EEFSEC: variants seen among roughly 807,000 people sequenced by gnomAD.
EEFSEC encodes the protein eukaryotic elongation factor, selenocysteine-tRNA specific.
Under a neutral mutation model 42.1 loss-of-function variants are expected in EEFSEC, and 43 were observed. That is an observed-to-expected ratio of 1.02 (90% CI 0.80 to 1.32). EEFSEC has a LOEUF of 1.32. EEFSEC is among the 40% of genes most tolerant of loss of function. EEFSEC has a pLI of 0.00. For missense variants in EEFSEC, 745 were observed against 803.6 expected (o/e 0.93, Z 0.88); for synonymous variants, 354 against 339.1 (o/e 1.04, Z -0.48).
At chr3:128,330,133 A>C (rs2067110317) in intron 4 of EEFSEC, among the ~76,000 whole-genome samples, 1 of 152,228 alleles carries the variant, frequency 6.6e-6, no homozygotes, top group Non-Finnish European at 1.5e-5. Flanking sequence ...TTAAAGTTTT[A>C]TGGGATGGCA....
chr3:128,402,061 C>T (rs1423627339), intron 6 of EEFSEC, among the ~76,000 whole-genome samples: 1 of 152,230 alleles, frequency 6.6e-6, no homozygotes, highest in African/African-American at 2.4e-5. Flanking sequence ...AGGCACCGTG[C>T]CTTCTCTGGG....
intron 1 of EEFSEC, among the ~76,000 whole-genome samples, chr3:128,225,883 G>T (rs1476623578): frequency 6.6e-6 from 1 of 152,210 alleles, no homozygotes. Flanking sequence ...CAGGTGGTCT[G>T]GTTTCATGCT....
intron 4 of EEFSEC, among the ~76,000 whole-genome samples, chr3:128,327,754 G>A (rs145817178): frequency 2.1e-3 from 321 of 152,266 alleles, no homozygotes; most frequent in Non-Finnish European, 3.6e-3. Flanking sequence ...CAGGGCACCC[G>A]GAGCCCTGGC....
At position 128,164,015 on chromosome 3, in the gene EEFSEC, T is replaced by C. The variant is rs2065219962; in HGVS notation, c.316+10192T>C. Among the ~76,000 whole-genome samples, 3 of 152,180 alleles carry C rather than the reference T, an allele frequency of 2.0e-5. No homozygotes were observed. The South Asian group carries it at 6.2e-4, about 31-fold the overall frequency. On this transcript the variant is annotated intron_variant, in intron 1 of 6. Coordinates refer to ENST00000254730, the MANE Select transcript of EEFSEC (RefSeq NM_021937.5). The stretch of plus-strand genomic sequence containing the variant: ...ATAAATAATGTACAATTTGCCATCT[T>C]AGCCATCTTAAGTGTACAGTGTGTG...
chr3:128,269,693 G>A (rs2066394315), intron 4 of EEFSEC, among the ~76,000 whole-genome samples: 1 of 152,170 alleles, frequency 6.6e-6, no homozygotes, highest in African/African-American at 2.4e-5. Context: ...TCCCAGCTGG[G>A]GCCAATTAGC....
chr3:128,174,815 G>A (rs1265090724), intron 1 of EEFSEC, among the ~76,000 whole-genome samples: 1 of 152,180 alleles, frequency 6.6e-6, no homozygotes, highest in Non-Finnish European at 1.5e-5. Flanking sequence ...TGCACTGCAG[G>A]CTTGGCACCA....
intron 6 of EEFSEC, among the ~76,000 whole-genome samples, chr3:128,390,670 G>GT (rs1207751008): frequency 1.3e-5 from 2 of 152,160 alleles, no homozygotes; most frequent in African/African-American, 4.8e-5. Context: ...TCCATGCTGT[G>GT]GTCTGTGCCC....
intron 4 of EEFSEC, among the ~76,000 whole-genome samples, chr3:128,266,237 A>C (rs1220258788): frequency 6.6e-6 from 1 of 152,188 alleles, no homozygotes; most frequent in East Asian, 1.9e-4. Flanking sequence ...ATAAAGTTGG[A>C]GCACTGTGGC....
chr3:128,386,484 G>T (rs954231477), intron 6 of EEFSEC, among the ~76,000 whole-genome samples: 2 of 152,156 alleles, frequency 1.3e-5, no homozygotes, highest in African/African-American at 4.8e-5. Flanking sequence ...AGGCAGTGGG[G>T]GGGGGATGCA....
chr3:128,207,562 T>C (rs949296769), intron 1 of EEFSEC, among the ~76,000 whole-genome samples: 56 of 102,908 alleles, frequency 5.4e-4, no homozygotes, highest in African/African-American at 2.0e-3. Context: ...ACAGACACAT[T>C]GCATACACAC....
chr3:128,235,945 T>TTGGTTG (rs2066005379), intron 1 of EEFSEC, among the ~76,000 whole-genome samples: 6 of 99,916 alleles, frequency 6.0e-5, no homozygotes, highest in African/African-American at 2.6e-4. Flanking sequence ...GGCAAAGGTT[T>TTGGTTG]GTTTGTTTGT....
intron 4 of EEFSEC, among the ~76,000 whole-genome samples, chr3:128,336,230 A>G (rs564445939): frequency 6.6e-6 from 1 of 152,210 alleles, no homozygotes; most frequent in Non-Finnish European, 1.5e-5. Context: ...GCTGTTCTTT[A>G]CACACCAGCT....
At chr3:128,190,685 G>A (rs1196926506) in intron 1 of EEFSEC, among the ~76,000 whole-genome samples, 1 of 152,148 alleles carries the variant, frequency 6.6e-6, no homozygotes, top group Non-Finnish European at 1.5e-5. Context: ...CATGCCCTAG[G>A]CCTTCACATT....
In EEFSEC at chr3:128,341,815, A is replaced by G. The variant is rs767667061; in HGVS notation, c.1369A>G (p.Arg457Gly). 4 of 1,613,950 alleles carry G rather than the reference A, an allele frequency of 2.5e-6. No individual in the cohort carries two copies. In the Admixed American group the frequency reaches 5.0e-5, roughly 20 times the overall value. Residue 457 changes from arginine (R) to glycine (G), a missense_variant, in exon 5 of 7, where the codon AGG becomes GGG. By Grantham distance (125) the Arg-to-Gly change is moderately radical (BLOSUM62 -2). Transcript: ENST00000254730. ...HGILLHGLED[R>G]NYADSFLPRL... ...CATCCTGCTCCACGGGCTAGAGGAC[A>G]GGAACTACGCCGACAGCTTCCTGCC...
At chr3:128,182,888 G>GC (rs1215914973) in intron 1 of EEFSEC, among the ~76,000 whole-genome samples, 17 of 145,708 alleles carry the variant, frequency 1.2e-4, no homozygotes, top group East Asian at 2.0e-4. Context: ...CGGGGCGGGG[G>GC]GGTGGGGTGG....
At chr3:128,373,869 A>G (rs2067681098) in intron 6 of EEFSEC, among the ~76,000 whole-genome samples, 2 of 152,326 alleles carry the variant, frequency 1.3e-5, no homozygotes, top group South Asian at 2.1e-4. Context: ...AAATCTGGGG[A>G]AAAAGTCACC....
intron 4 of EEFSEC, among the ~76,000 whole-genome samples, chr3:128,324,964 C>A (rs1020301930): frequency 1.3e-5 from 2 of 152,246 alleles, no homozygotes; most frequent in African/African-American, 4.8e-5. Flanking sequence ...CCCAGACAGA[C>A]TGTACCTTGA....
At chr3:128,300,389 G>A (rs371972875) in intron 4 of EEFSEC, among the ~76,000 whole-genome samples, 60 of 152,190 alleles carry the variant, frequency 3.9e-4, no homozygotes, top group African/African-American at 1.4e-3. Context: ...GGATCACGAG[G>A]TCAAGAGATC....
At chr3:128,249,682 T>C (rs1343062464) in intron 2 of EEFSEC, among the ~76,000 whole-genome samples, 1 of 152,232 alleles carries the variant, frequency 6.6e-6, no homozygotes, top group Admixed American at 6.5e-5. Flanking sequence ...TGGAATAATA[T>C]ACTATTTGGC....
Sources: gnomAD v4.1 joint callset for allele counts (sites outside exome capture counted in the v4.1 genomes callset) on GRCh38, gnomAD v4.1.1 for gene constraint, MANE v1.5 for transcripts, NCBI Gene and HGNC (gene_info 2026-07-23, HGNC 2026-07-21) for gene names.